DOCK1: variants seen among roughly 807,000 people sequenced by gnomAD.
DOCK1 encodes dedicator of cytokinesis protein 1.
DOCK1 carries 138 observed loss-of-function variants against 262.7 expected under a neutral mutation model. That is an observed-to-expected ratio of 0.53 (90% CI 0.46 to 0.61). The LOEUF (loss-of-function observed/expected upper bound fraction) is 0.61, where lower values mean the gene tolerates loss of function less well. Among genes scored for constraint, DOCK1 ranks in the 20% least tolerant of loss-of-function variants. The probability of loss-of-function intolerance (pLI) is 0.00; values close to 1 mark genes in which losing one functional copy is unlikely to be tolerated. For missense variants in DOCK1, 1,908 were observed against 2,370.7 expected, an observed-to-expected ratio of 0.80 and a Z score of 4.05; for synonymous variants, 866 against 867.4, an observed-to-expected ratio of 1.00 and a Z score of 0.03.
At chr10:127,248,254 C>G (rs899661205) in intron 28 of DOCK1, 145 bp downstream of exon 28, 2 of 758,308 alleles carry the variant, frequency 2.6e-6, no homozygotes, top group African/African-American at 1.8e-5. Context: ...CTGGGAAGGT[C>G]TGACTGAAGC....
chr10:127,287,825 T>C (rs1046815928), intron 29 of DOCK1, among the ~76,000 whole-genome samples: 10 of 152,188 alleles, frequency 6.6e-5, no homozygotes, highest in African/African-American at 2.4e-4. Context: ...CCAGATTCCT[T>C]CAATATACAG....
chr10:127,038,295 T>G (rs1271633455), intron 19 of DOCK1, among the ~76,000 whole-genome samples: 1 of 152,144 alleles, frequency 6.6e-6, no homozygotes, highest in East Asian at 1.9e-4. Context: ...CTTCTTGGCT[T>G]CTGGTTTGGG....
At chr10:127,024,311 G>A (rs2042667141) in intron 14 of DOCK1, among the ~76,000 whole-genome samples, 2 of 152,202 alleles carry the variant, frequency 1.3e-5, no homozygotes, top group African/African-American at 4.8e-5. Context: ...AGTGTTCATG[G>A]CTGGAGGAAG....
In DOCK1 at chr10:126,996,891, T is replaced by C; in HGVS notation, c.609+8T>C. The stretch of plus-strand genomic sequence containing the variant: ...AGGTTACAAGAGGAAAAAGTAAGTT[T>C]GACTCTGTCATATGCCATTCACGTT... On this transcript the variant is annotated splice_region_variant and intron_variant, in intron 7 of 51. Transcript: ENST00000623213. 1 of 1,593,726 alleles carries C rather than the reference T, an allele frequency of 6.3e-7. No individual in the cohort carries two copies. Among genetic ancestry groups the C allele is most frequent in the Middle Eastern group, 1.7e-4 (1 of 5,948 alleles).
intron 23 of DOCK1, among the ~76,000 whole-genome samples, chr10:127,102,752 A>C (rs992689983): frequency 1.3e-5 from 2 of 152,188 alleles, no homozygotes; most frequent in African/African-American, 2.4e-5. Context: ...AGGCAGAAGA[A>C]TCACGTGAAC....
At chr10:127,370,877 C>A (rs2065170238) in intron 33 of DOCK1, among the ~76,000 whole-genome samples, 1 of 152,138 alleles carries the variant, frequency 6.6e-6, no homozygotes, top group African/African-American at 2.4e-5. Context: ...CAGTTGGACA[C>A]CCTGTGAATA....
At chr10:127,410,513 T>C (rs2067781135) in intron 42 of DOCK1, among the ~76,000 whole-genome samples, 1 of 152,248 alleles carries the variant, frequency 6.6e-6, no homozygotes, top group South Asian at 2.1e-4. Context: ...TTTTTTAAAA[T>C]AATAATAAAC....
At chr10:127,146,572 G>T (rs2051874946) in intron 27 of DOCK1, among the ~76,000 whole-genome samples, 1 of 150,116 alleles carries the variant, frequency 6.7e-6, no homozygotes, top group Non-Finnish European at 1.5e-5. Context: ...ATAACATTGT[G>T]TATGTAAGGT....
intron 37 of DOCK1, among the ~76,000 whole-genome samples, chr10:127,384,502 C>T (rs911508221): frequency 5.9e-5 from 9 of 152,182 alleles, no homozygotes; most frequent in African/African-American, 1.2e-4. Flanking sequence ...TGATTTGTCC[C>T]GGAATGTTAG....
rs753782923 is a variant in DOCK1 at position 127,061,820 on chromosome 10, T to C, written c.2445+44T>C. On this transcript the variant is annotated intron_variant, in intron 23 of 51. Transcript: ENST00000623213. ...CAAGGCAGACTTCTCCTTCTTTTTT[T>C]CTTTCATTATCTCTTTTGGAGGTAG... is the stretch of plus-strand genomic sequence containing the variant. 22 of 1,462,042 alleles carry C rather than the reference T, an allele frequency of 1.5e-5. No homozygotes were observed. In the East Asian group the frequency reaches 5.3e-4, roughly 35 times the overall value. The allele number at this position is 1,462,042 out of a possible 1,614,324, so 90.6% of individuals were successfully genotyped here.
intron 29 of DOCK1, among the ~76,000 whole-genome samples, chr10:127,318,769 C>T (rs2062394733): frequency 1.3e-5 from 2 of 152,240 alleles, no homozygotes; most frequent in Admixed American, 1.3e-4. Context: ...TTGCCTTCTA[C>T]TTAGGCAGGG....
chr10:127,145,349 T>C (rs988802113), intron 27 of DOCK1, among the ~76,000 whole-genome samples: 2 of 152,196 alleles, frequency 1.3e-5, no homozygotes, highest in African/African-American at 2.4e-5. Context: ...CTATGAAGCA[T>C]ATCTTATGCC....
rs142619772 is a variant in DOCK1, at chr10:127,443,516, A to C, written c.5260-610A>C. Among the ~76,000 whole-genome samples, 75 of 151,896 alleles carry C rather than the reference A, an allele frequency of 4.9e-4. 1 individual carries two copies. In the East Asian group the frequency reaches 0.014, roughly 29 times the overall value. On this transcript the variant is annotated intron_variant, in intron 49 of 51. Transcript: ENST00000623213. ...TTTCCCTGCTCTGTCTTAAGTCTCCACCTTTTCCCTGCCTAGTTCCTGCCC... is the reference window on the plus strand; with the variant it reads ...TTTCCCTGCTCTGTCTTAAGTCTCCCCCTTTTCCCTGCCTAGTTCCTGCCC...
At chr10:126,931,368 A>G (rs1471628760) in intron 1 of DOCK1, among the ~76,000 whole-genome samples, 2 of 152,190 alleles carry the variant, frequency 1.3e-5, no homozygotes, top group Non-Finnish European at 2.9e-5. Context: ...GGGTGAAGAC[A>G]CCAGGATGCA....
intron 49 of DOCK1, among the ~76,000 whole-genome samples, chr10:127,440,161 TG>T (rs1346387830): frequency 1.1e-5 from 1 of 87,176 alleles, no homozygotes; most frequent in African/African-American, 4.7e-5. Flanking sequence ...AGAGTATGGG[TG>T]GGGGGTGGGG....
chr10:127,033,133 C>G (rs577119511), intron 18 of DOCK1, among the ~76,000 whole-genome samples: 1 of 152,302 alleles, frequency 6.6e-6, no homozygotes, highest in East Asian at 1.9e-4. Context: ...GAGCTCACCT[C>G]CCTCTTTATG....
chr10:126,951,121 A>G, intron 1 of DOCK1, among the ~76,000 whole-genome samples: 1 of 150,448 alleles, frequency 6.6e-6, no homozygotes, highest in African/African-American at 2.4e-5. Context: ...TGTTGGTAGT[A>G]TTGTTGGTAG....
rs555990972 is a variant in DOCK1, at chr10:126,913,318, G to T, written c.46+7755G>T. Among the ~76,000 whole-genome samples the T allele has an allele frequency of 0.027, 105 of 3,914 alleles. No homozygotes were observed. The South Asian group carries it at 0.36, about 13-fold the overall frequency. 2.6% of individuals were successfully genotyped at this position (3,914 alleles called of 152,430 possible). A position where few individuals can be genotyped will look rare whatever the true frequency, so the allele number is the denominator to read the frequency against. ...TACCATTTATGTTTTTGTAGCATGA[G>T]TAGGGCAGCCTCATATTGGCTCTGG... On this transcript the variant is annotated intron_variant, in intron 1 of 51. Coordinates refer to ENST00000623213, the MANE Select transcript of DOCK1 (RefSeq NM_001290223.2).
intron 43 of DOCK1, among the ~76,000 whole-genome samples, chr10:127,411,214 G>T (rs148674666): frequency 1.3e-5 from 2 of 152,276 alleles, no homozygotes; most frequent in African/African-American, 2.4e-5. Context: ...GCGAGCCCCA[G>T]GTGAGAGAGC....
Sources: allele counts gnomAD v4.1 joint callset (sites outside exome capture counted in the v4.1 genomes callset), GRCh38; gene constraint gnomAD v4.1.1; transcripts MANE v1.5; gene names NCBI Gene and HGNC (gene_info 2026-07-23, HGNC 2026-07-21).